QTGAL: variants seen among roughly 807,000 people sequenced by gnomAD.
QTGAL encodes the protein BGnT-like protein 1.
chr17:82,953,006 A>G, the QTGAL span, among the ~76,000 whole-genome samples: 1 of 152,236 alleles, frequency 6.6e-6, no homozygotes, highest in Non-Finnish European at 1.5e-5. Context: ...GAGAACAGAG[A>G]GACAACGTAC....
At chr17:82,983,125 C>T in the QTGAL span, among the ~76,000 whole-genome samples, 20,771 of 151,928 alleles carry the variant, frequency 0.14, 1,910 homozygotes, top group African/African-American at 0.26. Flanking sequence ...TACAAAAACA[C>T]GAAAATTAGC....
At chr17:82,960,090 G>A in the QTGAL span, among the ~76,000 whole-genome samples, 1 of 152,210 alleles carries the variant, frequency 6.6e-6, no homozygotes, top group Non-Finnish European at 1.5e-5. Context: ...ATGAGGAGGC[G>A]GCCAAGGTGC....
the QTGAL span, chr17:83,006,707 G>A: frequency 1.2e-5 from 12 of 985,372 alleles, no homozygotes; most frequent in Admixed American, 1.8e-4. The surrounding 1 kb of genome is among the most constrained non-coding windows in gnomAD (Gnocchi z 5.8). Flanking sequence ...TTCTGTGCCC[G>A]GCTTTCGCAC....
At chr17:83,035,207 T>G in the QTGAL span, 2 of 915,296 alleles carry the variant, frequency 2.2e-6, no homozygotes, top group Non-Finnish European at 3.2e-6. Context: ...GAGATGGAGT[T>G]TCCCTCTTGT....
the QTGAL span, chr17:82,957,277 T>G: frequency 1.2e-6 from 2 of 1,614,090 alleles, no homozygotes; most frequent in Non-Finnish European, 1.7e-6. Flanking sequence ...AGGGCAGCTC[T>G]GGACAGGCCG....
the QTGAL span, among the ~76,000 whole-genome samples, chr17:83,032,279 G>A: frequency 1.6e-3 from 113 of 70,410 alleles, no homozygotes; most frequent in Middle Eastern, 0.018. Flanking sequence ...CCCAGACCGA[G>A]CTCGGGAGCT....
chr17:83,000,193 C>T, the QTGAL span, among the ~76,000 whole-genome samples: 7 of 152,234 alleles, frequency 4.6e-5, no homozygotes, highest in South Asian at 4.2e-4. Flanking sequence ...GAACTCCTGA[C>T]CTCATGATCC....
chr17:83,041,067 A>G, the QTGAL span, among the ~76,000 whole-genome samples: 1 of 89,990 alleles, frequency 1.1e-5, no homozygotes, highest in Non-Finnish European at 2.4e-5. Context: ...CTCCATCTCA[A>G]AAAAAAAAAA....
At chr17:82,959,848 CATG>C in the QTGAL span, among the ~76,000 whole-genome samples, 2 of 152,044 alleles carry the variant, frequency 1.3e-5, no homozygotes. Flanking sequence ...TAGAAGCAGC[CATG>C]ATGTCTGTAT....
chr17:83,001,567 G>A, the QTGAL span, among the ~76,000 whole-genome samples: 75 of 111,550 alleles, frequency 6.7e-4, 1 homozygote, highest in Admixed American at 1.0e-2. Flanking sequence ...TCCAGCAAAC[G>A]TAAACCAGTC....
chr17:82,958,611 G>C, the QTGAL span, among the ~76,000 whole-genome samples: 1 of 152,196 alleles, frequency 6.6e-6, no homozygotes, highest in African/African-American at 2.4e-5. Flanking sequence ...GGATGGGGGG[G>C]ATGGGGGGAC....
chr17:82,984,405 CACACAGGGAGAGGCCACAGGAGG>C, the QTGAL span, among the ~76,000 whole-genome samples: 4 of 150,088 alleles, frequency 2.7e-5, no homozygotes, highest in Non-Finnish European at 5.9e-5. Context: ...GCCATGTGAG[CACACAGGGAGAGGCCACAGGAGG>C]ACGCAGGGAG....
At chr17:82,958,271 G>A in the QTGAL span, among the ~76,000 whole-genome samples, 5 of 152,208 alleles carry the variant, frequency 3.3e-5, no homozygotes, top group Non-Finnish European at 5.9e-5. Flanking sequence ...TGTCCCAGAT[G>A]CTGTCCTCCC....
chr17:83,028,845 G>A, the QTGAL span, among the ~76,000 whole-genome samples: 1 of 152,116 alleles, frequency 6.6e-6, no homozygotes, highest in African/African-American at 2.4e-5. Flanking sequence ...AACCCGAACT[G>A]GAAACTACAG....
the QTGAL span, among the ~76,000 whole-genome samples, chr17:82,955,508 G>A: frequency 6.6e-6 from 1 of 152,184 alleles, no homozygotes; most frequent in Non-Finnish European, 1.5e-5. Flanking sequence ...ACAGATACTG[G>A]CAAGGCTGTG....
the QTGAL span, chr17:83,030,977 G>A: frequency 6.6e-6 from 1 of 152,222 alleles, no homozygotes; most frequent in South Asian, 2.1e-4. Context: ...AGACCTCCTG[G>A]GTGAAGCCGC....
chr17:83,022,235 G>A, the QTGAL span, among the ~76,000 whole-genome samples: 2 of 152,278 alleles, frequency 1.3e-5, no homozygotes, highest in East Asian at 1.9e-4. Context: ...CAAAAGACAT[G>A]GCCCCACGTA....
chr17:82,972,998 G>A, the QTGAL span, among the ~76,000 whole-genome samples: 12 of 152,230 alleles, frequency 7.9e-5, no homozygotes, highest in African/African-American at 2.9e-4. Context: ...ACGCTTCCCC[G>A]AAGGAGGGGG....
the QTGAL span, chr17:83,014,309 A>G: frequency 8.1e-6 from 7 of 862,064 alleles, no homozygotes; most frequent in Middle Eastern, 2.9e-4. Context: ...GGGCTCAGAG[A>G]CATGCCAGCC....
Sources: allele counts gnomAD v4.1 joint callset (sites outside exome capture counted in the v4.1 genomes callset), GRCh38; gene constraint gnomAD v4.1.1; non-coding constraint Gnocchi (gnomAD v3.1); transcripts MANE v1.5; gene names NCBI Gene and HGNC (gene_info 2026-07-23, HGNC 2026-07-21).